Variants in MCCC2 observed in about 807,000 individuals in gnomAD.
MCCC2 encodes the protein methylcrotonyl-CoA carboxylase subunit 2.
MCCC2 carries 52 observed loss-of-function variants against 77.2 expected under a neutral mutation model. The observed-to-expected ratio is 0.67, with a 90% CI of 0.54 to 0.85. The LOEUF (loss-of-function observed/expected upper bound fraction) is 0.85, where lower values mean the gene tolerates loss of function less well. MCCC2 is among the 40% of genes least tolerant of loss of function. MCCC2 has a pLI of 0.00. For missense variants in MCCC2, 682 were observed against 703.2 expected (o/e 0.97, Z 0.34); for synonymous variants, 253 against 248.4 (o/e 1.02, Z -0.18).
At chr5:71,631,831 C>CG (rs1746725703) in intron 7 of MCCC2, among the ~76,000 whole-genome samples, 1 of 151,388 alleles carries the variant, frequency 6.6e-6, no homozygotes, top group Admixed American at 6.6e-5. Context: ...TGAGCCACCG[C>CG]GCCCGGCCAG....
chr5:71,630,756 A>AT (rs1386247972), intron 7 of MCCC2, among the ~76,000 whole-genome samples: 18 of 152,012 alleles, frequency 1.2e-4, no homozygotes. Context: ...TCTATGCTGT[A>AT]TTTTCTTTTC....
intron 11 of MCCC2, among the ~76,000 whole-genome samples, chr5:71,642,191 A>C (rs996740446): frequency 4.9e-5 from 7 of 143,154 alleles, no homozygotes; most frequent in African/African-American, 1.8e-4. Flanking sequence ...AAATACATTT[A>C]GGGACAGAGA....
chr5:71,624,173 G>A (rs1011382759), intron 6 of MCCC2, among the ~76,000 whole-genome samples: 1 of 152,140 alleles, frequency 6.6e-6, no homozygotes, highest in African/African-American at 2.4e-5. Flanking sequence ...AATCCCATGG[G>A]GAGGGGGGGC....
chr5:71,614,925 GC>G (rs1746113323), intron 6 of MCCC2, among the ~76,000 whole-genome samples: 1 of 152,114 alleles, frequency 6.6e-6, no homozygotes, highest in Admixed American at 6.5e-5. Context: ...ACCTTTTCTA[GC>G]TTCTGCTGTT....
chr5:71,590,943 T>A (rs533695678), intron 1 of MCCC2, among the ~76,000 whole-genome samples: 128 of 152,320 alleles, frequency 8.4e-4, no homozygotes, highest in African/African-American at 3.0e-3. Flanking sequence ...GTTACATACT[T>A]TTTTCTGCTG....
At chr5:71,629,735 CATTATT>C (rs3066461) in intron 7 of MCCC2, among the ~76,000 whole-genome samples, 64,975 of 147,850 alleles carry the variant, frequency 0.44, 14,451 homozygotes, top group South Asian at 0.47. Context: ...AGCCTGCAGC[CATTATT>C]ATTATTATTA....
chr5:71,618,743 A>G (rs937659997), intron 6 of MCCC2, among the ~76,000 whole-genome samples: 2 of 152,130 alleles, frequency 1.3e-5, no homozygotes, highest in East Asian at 3.9e-4. Context: ...GCAGCAGCAA[A>G]CAGTCTAAGA....
intron 16 of MCCC2, among the ~76,000 whole-genome samples, chr5:71,654,837 A>ATTT (rs201819772): frequency 7.1e-6 from 1 of 140,568 alleles, no homozygotes; most frequent in Non-Finnish European, 1.6e-5. Flanking sequence ...GGATCTGTAG[A>ATTT]TTTTTTTTTT....
At position 71,587,467 on chromosome 5, in the gene MCCC2, C is replaced by A. The variant is rs1018412147; in HGVS notation, c.42C>A (p.Arg14=). 1 of 1,535,902 alleles carries A rather than the reference C, an allele frequency of 6.5e-7. No individual in the cohort carries two copies. Among genetic ancestry groups the A allele is most frequent in the Non-Finnish European group, 8.7e-7 (1 of 1,146,106 alleles). ...GGTTAGCCCTGCGGCCGTGTGCCCG[C>A]GCCTCTCCCGCCGGGCCGCGCGCCT... ...VLRLALRPCA[R]ASPAGPRAYH... The change falls in exon 1 of 17, where the codon CGC becomes CGA. Residue 14 remains arginine, a synonymous_variant. Transcript: ENST00000340941.
At chr5:71,624,187 A>G (rs1434916501) in intron 6 of MCCC2, among the ~76,000 whole-genome samples, 2 of 152,060 alleles carry the variant, frequency 1.3e-5, no homozygotes, top group African/African-American at 4.8e-5. Flanking sequence ...GGGGGGCCCT[A>G]CCTCATGACT....
At chr5:71,633,117 A>ATTTTTT (rs1561841336) in intron 8 of MCCC2, among the ~76,000 whole-genome samples, 1 of 75,236 alleles carries the variant, frequency 1.3e-5, no homozygotes, top group Non-Finnish European at 2.6e-5. Flanking sequence ...ATATATATAT[A>ATTTTTT]TATATATATA....
At chr5:71,644,032 C>CCTGTGT in intron 12 of MCCC2, 137 bp downstream of exon 12, 2 of 538,822 alleles carry the variant, frequency 3.7e-6, no homozygotes, top group Admixed American at 3.3e-5. Context: ...TGTGCGCGGG[C>CCTGTGT]ATGTGTGTGT....
At chr5:71,623,092 GAAC>G (rs1326968576) in intron 6 of MCCC2, among the ~76,000 whole-genome samples, 5 of 152,322 alleles carry the variant, frequency 3.3e-5, no homozygotes, top group African/African-American at 9.6e-5. Context: ...GTTCTTTGAA[GAAC>G]AACAATAGAA....
intron 16 of MCCC2, among the ~76,000 whole-genome samples, chr5:71,653,169 A>T (rs904098552): frequency 6.6e-6 from 1 of 152,228 alleles, no homozygotes; most frequent in Non-Finnish European, 1.5e-5. Flanking sequence ...CATTTTAAAC[A>T]TGAGATTGGT....
At chr5:71,609,453 C>A (rs1745825863) in intron 6 of MCCC2, among the ~76,000 whole-genome samples, 1 of 149,276 alleles carries the variant, frequency 6.7e-6, no homozygotes, top group Admixed American at 6.7e-5. Context: ...ATTGGTTATT[C>A]TAGTTATACA....
intron 16 of MCCC2, among the ~76,000 whole-genome samples, chr5:71,655,346 G>A (rs1198065360): frequency 6.6e-6 from 1 of 152,228 alleles, no homozygotes; most frequent in African/African-American, 2.4e-5. Context: ...ATCAGTTACT[G>A]AAACCTACAA....
intron 1 of MCCC2, among the ~76,000 whole-genome samples, chr5:71,591,902 C>T (rs1263021514): frequency 6.6e-6 from 1 of 152,014 alleles, no homozygotes; most frequent in Non-Finnish European, 1.5e-5. Flanking sequence ...CACCACCATG[C>T]CCAGATAATT....
In MCCC2 at chr5:71,656,890, T is replaced by C. The variant is rs199682297; in HGVS notation, c.*30T>C. ...AATAAAGGATGTTTTCTGTTGGACATGTACTGAAAATTAACACATGTAGTA... is the reference window on the plus strand; with the variant it reads ...AATAAAGGATGTTTTCTGTTGGACACGTACTGAAAATTAACACATGTAGTA... On this transcript the variant is annotated 3_prime_UTR_variant, in exon 17 of 17. Coordinates refer to ENST00000340941, the MANE Select transcript of MCCC2 (RefSeq NM_022132.5). 45 of 1,549,492 alleles carry C rather than the reference T, an allele frequency of 2.9e-5. No individual in the cohort carries two copies. The East Asian group carries it at 8.5e-4, about 29-fold the overall frequency.
At chr5:71,647,461 T>C (rs1196186079) in intron 13 of MCCC2, among the ~76,000 whole-genome samples, 1 of 152,250 alleles carries the variant, frequency 6.6e-6, no homozygotes, top group African/African-American at 2.4e-5. Flanking sequence ...ACCAGAGTTC[T>C]TGTTTTTAAT....
Sources: allele counts gnomAD v4.1 joint callset (sites outside exome capture counted in the v4.1 genomes callset), GRCh38; gene constraint gnomAD v4.1.1; transcripts MANE v1.5; gene names NCBI Gene and HGNC (gene_info 2026-07-23, HGNC 2026-07-21).